Variants in NFRKB observed in about 807,000 individuals in gnomAD.
NFRKB encodes nuclear factor related to kappa-B-binding protein.
NFRKB carries 62 observed loss-of-function variants against 135.7 expected under a neutral mutation model. That is an observed-to-expected ratio of 0.46 (90% confidence interval 0.37 to 0.56). NFRKB has a LOEUF of 0.56. NFRKB is among the 20% of genes least tolerant of loss of function. The pLI is 0.00. For missense variants in NFRKB, 1,545 were observed against 1,662.0 expected (o/e 0.93, Z 1.22); for synonymous variants, 678 against 635.6 (o/e 1.07, Z -1.00).
At position 129,864,833 on chromosome 11, in the gene NFRKB, G is replaced by A; in HGVS notation, c.3792C>T (p.Val1264=). ...TTCCCTGTTGGAGATGGGATGCAGG[G>A]ACAGTCTGGATGCGCACCTGTTTGC... The part of the protein sequence containing the change: ...GQATQVRIQT[V]PASHLQQGTA... The change falls in exon 27 of 27, where the codon GTC becomes GTT. Residue 1264 remains valine, a synonymous_variant. Coordinates refer to ENST00000682444, the MANE Select transcript of NFRKB (RefSeq NM_001143835.2). The A allele has an allele frequency of 6.2e-7, 1 of 1,614,178 alleles. No homozygotes were observed. Among genetic ancestry groups the A allele is most frequent in the Middle Eastern group, 1.6e-4 (1 of 6,062 alleles).
At position 129,873,949 on chromosome 11, in the gene NFRKB, C is replaced by A; in HGVS notation, c.2346G>T (p.Gln782His). 4.3e-6 allele frequency: 7 copies of A among 1,613,170 alleles called. No homozygotes were observed. The highest frequency in any genetic ancestry group is 5.1e-6 in the Non-Finnish European group (6 of 1,180,010). ...CGGCAGCCTGAGAACTGGGTGCAGTCTGGCTGGAAGCTGGGGAAAGCATTG... is the reference window on the plus strand; with the variant it reads ...CGGCAGCCTGAGAACTGGGTGCAGTATGGCTGGAAGCTGGGGAAAGCATTG... ...LGTMLSPASS[Q>H]TAPSSQAAAR... is the part of the protein sequence containing the mutation. The change falls in exon 22 of 27, where the codon CAG (glutamine) becomes CAT (histidine). Residue 782 changes from glutamine (Q) to histidine (H), a missense_variant. By Grantham distance (24) the Gln-to-His change is conservative. This residue lies in a region of NFRKB where 753 missense variants were observed against 804.3 expected (regional missense o/e 0.94). Coordinates refer to ENST00000682444, the MANE Select transcript of NFRKB (RefSeq NM_001143835.2).
chr11:129,869,747 C>G lies in NFRKB; in HGVS notation c.3278G>C (p.Gly1093Ala), dbSNP rs995925248. Residue 1093 changes from glycine (G) to alanine (A), a missense_variant, in exon 24 of 27, where the codon GGA (glycine) becomes GCA (alanine). This residue lies in a region of NFRKB where 753 missense variants were observed against 804.3 expected (regional missense o/e 0.94). Transcript: ENST00000682444. The stretch of plus-strand genomic sequence containing the variant: ...TGCTTTGGGAGGCATCACTCCCAGT[C>G]CCTGCACGATGCGGATCGTGGCAGC... Reference protein sequence around the residue: ...KPAATIRIVQGLGVMPPKAGQ... With the variant: ...KPAATIRIVQALGVMPPKAGQ... The G allele has an allele frequency of 6.2e-7, 1 of 1,614,138 alleles. No individual in the cohort carries two copies. The highest frequency in any genetic ancestry group is 1.3e-5 in the African/African-American group (1 of 74,942).
chr11:129,885,589 C>A lies in NFRKB; in HGVS notation c.486G>T (p.Arg162=), dbSNP rs528778602. Residue 162 remains arginine, a synonymous_variant, in exon 6 of 27, where the codon CGG becomes CGT. Transcript: ENST00000682444. The part of the protein sequence containing the change: ...ASRSDLLEMA[R]RSGPALPFRQ... Reference sequence around the variant, plus strand: ...GGAAGGGAAGGGCGGGGCCACTCCGCCGGGCCATCTCCAGCAGATCCTAGG... The same window carrying A: ...GGAAGGGAAGGGCGGGGCCACTCCGACGGGCCATCTCCAGCAGATCCTAGG... The A allele has an allele frequency of 2.5e-6, 4 of 1,611,306 alleles. No individual in the cohort carries two copies. The highest frequency in any genetic ancestry group is 2.2e-5 in the South Asian group (2 of 90,924).
chr11:129,882,693 C>A (rs2135664382), intron 9 of NFRKB, 62 bp from the exon 10 acceptor site: 1 of 1,500,830 alleles, frequency 6.7e-7, no homozygotes, highest in Non-Finnish European at 9.1e-7. Context: ...AGTGAGGGGT[C>A]TTATCTGCAT....
chr11:129,873,089 A>G lies in NFRKB; in HGVS notation c.2558T>C (p.Met853Thr). 2.5e-6 allele frequency: 4 copies of G among 1,603,968 alleles called. No individual in the cohort carries two copies. In the South Asian group the frequency reaches 3.3e-5, roughly 13 times the overall value. ...CTGCGCTTTGACGGGCACAGTGGCC[A>G]TTACTGTCTAGTTGAGGGCATGAGG... ...TQTKVVPQTV[M>T]ATVPVKAQTT... The change falls in exon 23 of 27, where the codon ATG becomes ACG. Residue 853 changes from methionine to threonine, a missense_variant. This residue lies in a region of NFRKB where 753 missense variants were observed against 804.3 expected (regional missense o/e 0.94). Coordinates refer to ENST00000682444, the MANE Select transcript of NFRKB (RefSeq NM_001143835.2).
At chr11:129,867,130 T>A (rs540621873) in intron 24 of NFRKB, among the ~76,000 whole-genome samples, 1 of 152,164 alleles carries the variant, frequency 6.6e-6, no homozygotes, top group South Asian at 2.1e-4. Flanking sequence ...CAGGGGGAAG[T>A]AAGCACCATC....
At chr11:129,884,229 A>G (rs1949165327) in intron 7 of NFRKB, 86 bp from the exon 8 acceptor site, 2 of 1,416,124 alleles carry the variant, frequency 1.4e-6, no homozygotes, top group Admixed American at 1.7e-5. Flanking sequence ...GATATTTCTG[A>G]GTTTCCCTTC....
At chr11:129,879,912 G>A (rs768665908) in intron 13 of NFRKB, among the ~76,000 whole-genome samples, 17 of 152,180 alleles carry the variant, frequency 1.1e-4, no homozygotes, top group Admixed American at 2.0e-4. Context: ...GTCAGGCTGG[G>A]TGCAGTGGCT....
At chr11:129,875,227 CTA>C (rs774198761) in intron 18 of NFRKB, 128 bp downstream of exon 18, 5 of 835,572 alleles carry the variant, frequency 6.0e-6, no homozygotes, top group Non-Finnish European at 9.3e-6. Flanking sequence ...GTTTTGATCA[CTA>C]TGCATTTTTC....
chr11:129,868,620 T>C (rs908465682), intron 24 of NFRKB, among the ~76,000 whole-genome samples: 2 of 152,204 alleles, frequency 1.3e-5, no homozygotes, highest in African/African-American at 4.8e-5. Flanking sequence ...ACTGCCTGGC[T>C]AACAGTGGAA....
At position 129,892,799 on chromosome 11, in the gene NFRKB, A is replaced by T; in HGVS notation, c.51T>A (p.Cys17Ter). ...MLTDPLELGP[C>*]GDGHGTRIME... is the part of the protein sequence containing the mutation. ...TGATGCGCGTGCCATGGCCATCTCCACACGGACCAAGTTCCAGAGGATCTG... is the reference window on the plus strand; with the variant it reads ...TGATGCGCGTGCCATGGCCATCTCCTCACGGACCAAGTTCCAGAGGATCTG... Residue 17 changes from cysteine (C) to a stop codon, truncating the protein, a stop_gained, in exon 3 of 27, where the codon TGT (cysteine) becomes TGA (stop). Coordinates refer to ENST00000682444, the MANE Select transcript of NFRKB (RefSeq NM_001143835.2). LOFTEE classifies it high-confidence loss of function. 3.7e-6 allele frequency: 6 copies of T among 1,614,128 alleles called. No individual in the cohort carries two copies. In the South Asian group the frequency reaches 6.6e-5, roughly 18 times the overall value.
intron 24 of NFRKB, among the ~76,000 whole-genome samples, chr11:129,868,887 A>G (rs1948348390): frequency 6.6e-6 from 1 of 152,122 alleles, no homozygotes; most frequent in African/African-American, 2.4e-5. Context: ...GGGTGTGATG[A>G]CACATGCCTG....
In NFRKB at chr11:129,874,790, C is replaced by T. The variant is rs1320279173; in HGVS notation, c.1978+3G>A. The stretch of plus-strand genomic sequence containing the variant: ...TCGGACAGTGCCCAGAGGCCTCACA[C>T]ACCAAACTCTTCTTCACTCCGGTCA... On this transcript the variant is annotated splice_donor_region_variant and intron_variant, in intron 19 of 26. Coordinates refer to ENST00000682444, the MANE Select transcript of NFRKB (RefSeq NM_001143835.2). The surrounding 1 kb of genome is among the most constrained non-coding windows in gnomAD (Gnocchi z 4.5). 1 of 1,614,190 alleles carries T rather than the reference C, an allele frequency of 6.2e-7. No homozygotes were observed. The highest frequency in any genetic ancestry group is 1.1e-5 in the South Asian group (1 of 91,082).
At chr11:129,888,391 T>C in intron 4 of NFRKB, 2 of 689,776 alleles carry the variant, frequency 2.9e-6, no homozygotes, top group Admixed American at 4.3e-5. Context: ...TGAATTCATA[T>C]TATGTATTTT....
chr11:129,874,956 TTAG>T lies in NFRKB; in HGVS notation c.1855-43_1855-41del, dbSNP rs1948690876. On this transcript the variant is annotated intron_variant, in intron 18 of 26. Coordinates refer to ENST00000682444, the MANE Select transcript of NFRKB (RefSeq NM_001143835.2). This position sits in a 1 kb window ranked among gnomAD's most constrained non-coding sequence, Gnocchi z 4.5. ...AAGGGAAATAAGAAACAAGTCAAGC[TTAG>T]ATAACAGAAGTTATTTGAACTCTAG... 1.2e-6 allele frequency: 2 copies of T among 1,611,734 alleles called. No homozygotes were observed. The highest frequency in any genetic ancestry group is 3.3e-5 in the Admixed American group (2 of 59,924).
rs1948792119 is a variant in NFRKB at position 129,876,899 on chromosome 11, C to T, written c.1573-4G>A. 1 of 1,612,500 alleles carries T rather than the reference C, an allele frequency of 6.2e-7. No individual in the cohort carries two copies. ...GTTGGCTATACCTGTAACGCTCCTA[C>T]CAAGAGACAAGGGACAAGAGTTCTA... is the stretch of plus-strand genomic sequence containing the variant. On this transcript the variant is annotated splice_polypyrimidine_tract_variant and splice_region_variant and intron_variant, in intron 16 of 26. Coordinates refer to ENST00000682444, the MANE Select transcript of NFRKB (RefSeq NM_001143835.2).
Position 129,864,799 on chromosome 11 carries a change from C to T in NFRKB, c.3826G>A (p.Gly1276Ser). The T allele has an allele frequency of 6.2e-7, 1 of 1,614,202 alleles. No individual in the cohort carries two copies. Among genetic ancestry groups the T allele is most frequent in the East Asian group, 2.2e-5 (1 of 44,882 alleles). Residue 1276 changes from glycine (G) to serine (S), a missense_variant, in exon 27 of 27, where the codon GGC (glycine) becomes AGC (serine). Gly to Ser is a moderately conservative substitution (Grantham distance 56, BLOSUM62 0). Around this residue, in one of 3 missense-constraint regions of NFRKB, gnomAD observed 753 missense variants for 804.3 expected, o/e 0.94. Coordinates refer to ENST00000682444, the MANE Select transcript of NFRKB (RefSeq NM_001143835.2). ...ACAGTGGAGACTGCTTTGGAGGAGC[C>T]AGAAGCTGTTCCCTGTTGGAGATGG... ...ASHLQQGTASGSSKAVSTVVV... is the reference protein window; with the variant it reads ...ASHLQQGTASSSSKAVSTVVV...
At chr11:129,889,951 CGTGTGT>C (rs56216860) in intron 3 of NFRKB, among the ~76,000 whole-genome samples, 18 of 135,352 alleles carry the variant, frequency 1.3e-4, no homozygotes, top group East Asian at 8.8e-4. Flanking sequence ...TATTGTCTTA[CGTGTGT>C]GTGTGTGTGT....
At chr11:129,872,010 G>A (rs1373477206) in intron 23 of NFRKB, among the ~76,000 whole-genome samples, 1 of 152,044 alleles carries the variant, frequency 6.6e-6, no homozygotes, top group Non-Finnish European at 1.5e-5. Context: ...ATCTGCACTT[G>A]CCATTCCTGG....
Sources: allele counts gnomAD v4.1 joint callset (sites outside exome capture counted in the v4.1 genomes callset), GRCh38; gene constraint gnomAD v4.1.1; regional missense constraint gnomAD v4.1.1; non-coding constraint Gnocchi (gnomAD v3.1); transcripts MANE v1.5; gene names NCBI Gene and HGNC (gene_info 2026-07-23, HGNC 2026-07-21).